GATB: variants seen among roughly 807,000 people sequenced by gnomAD.
GATB encodes the protein glutamyl-tRNA amidotransferase subunit B, also known as glutamyl-tRNA(Gln) amidotransferase subunit B, mitochondrial.
A neutral mutation model predicts 62.3 loss-of-function variants in GATB; 39 were observed. That is an observed-to-expected ratio of 0.63 (90% CI 0.48 to 0.82). GATB has a LOEUF of 0.82. GATB is among the 40% of genes least tolerant of loss of function. GATB has a pLI of 0.00. For synonymous variants in GATB, 276 were observed against 258.9 expected (o/e 1.07, Z -0.63); for missense variants, 670 against 684.0 (o/e 0.98, Z 0.23).
Position 151,716,046 on chromosome 4 carries a change from G to T in GATB, c.726C>A (p.Ile242=). The stretch of plus-strand genomic sequence containing the variant: ...CCTGGCTGGTCCCCAGGGCTTGAAG[G>T]ATCAGCTGCAGCTCCCTGACAGCTG... ...AATAVRELQL[I]LQALGTSQAN... Residue 242 remains isoleucine (I), a synonymous_variant, in exon 5 of 13, where the codon ATC becomes ATA. Transcript: ENST00000263985. 1 of 1,613,974 alleles carries T rather than the reference G, an allele frequency of 6.2e-7. No homozygotes were observed. The highest frequency in any genetic ancestry group is 8.5e-7 in the Non-Finnish European group (1 of 1,179,974).
chr4:151,695,834 T>C (rs528350471), intron 9 of GATB, among the ~76,000 whole-genome samples: 2 of 152,156 alleles, frequency 1.3e-5, no homozygotes, highest in South Asian at 4.1e-4. Flanking sequence ...CACAGCTCGC[T>C]ACAGCCTTGA....
rs1478389341 is a variant in GATB at position 151,705,282 on chromosome 4, C to G, written c.878-13G>C. 1 of 1,548,928 alleles carries G rather than the reference C, an allele frequency of 6.5e-7. No homozygotes were observed. The highest frequency in any genetic ancestry group is 1.7e-5 in the Admixed American group (1 of 59,816). ...TGAATTTCATAGTCTAGGAAAAACA[C>G]ACTAATTTAGCATCATATTTTGATT... On this transcript the variant is annotated splice_polypyrimidine_tract_variant and intron_variant, in intron 6 of 12. Coordinates refer to ENST00000263985, the MANE Select transcript of GATB (RefSeq NM_004564.3).
chr4:151,699,030 A>C (rs886298903), intron 9 of GATB, among the ~76,000 whole-genome samples: 1 of 152,096 alleles, frequency 6.6e-6, no homozygotes, highest in Non-Finnish European at 1.5e-5. Context: ...TTGGAAGGCA[A>C]AAAAAATCTT....
intron 10 of GATB, among the ~76,000 whole-genome samples, chr4:151,680,865 G>A (rs747315997): frequency 4.6e-5 from 7 of 152,128 alleles, no homozygotes; most frequent in Non-Finnish European, 8.8e-5. Flanking sequence ...TGCTCAAAAA[G>A]TTTTAGATTT....
chr4:151,679,445 C>T (rs181982612), intron 11 of GATB, among the ~76,000 whole-genome samples: 37 of 152,190 alleles, frequency 2.4e-4, no homozygotes, highest in Middle Eastern at 3.4e-3. Flanking sequence ...GGCTGGGAGG[C>T]GGTGTGGGGG....
chr4:151,716,042 G>C lies in GATB; in HGVS notation c.730C>G (p.Gln244Glu). 6.2e-7 allele frequency: 1 copy of C among 1,614,014 alleles called. No homozygotes were observed. The highest frequency in any genetic ancestry group is 1.1e-5 in the South Asian group (1 of 91,034). ...TTCGCCTGGCTGGTCCCCAGGGCTT[G>C]AAGGATCAGCTGCAGCTCCCTGACA... ...TAVRELQLIL[Q>E]ALGTSQANMA... Residue 244 changes from glutamine to glutamate, a missense_variant, in exon 5 of 13, where the codon CAA becomes GAA. Transcript: ENST00000263985.
chr4:151,697,985 A>ATATATATATATATATGTATATG (rs1560847802), intron 9 of GATB, among the ~76,000 whole-genome samples: 1 of 138,276 alleles, frequency 7.2e-6, no homozygotes, highest in Admixed American at 7.1e-5. Context: ...ATATATATAT[A>ATATATATATATATATGTATATG]TATATATATG....
intron 9 of GATB, among the ~76,000 whole-genome samples, chr4:151,695,308 C>T (rs1240169919): frequency 6.6e-6 from 1 of 152,090 alleles, no homozygotes; most frequent in African/African-American, 2.4e-5. Flanking sequence ...GAGTCATCGC[C>T]CCCTCTTTCA....
In GATB at chr4:151,679,801, GTGTGGACATACC is replaced by G; in HGVS notation, c.1410_1410+11del. 6.2e-7 allele frequency: 1 copy of G among 1,610,052 alleles called. No homozygotes were observed. The highest frequency in any genetic ancestry group is 8.5e-7 in the Non-Finnish European group (1 of 1,176,264). On this transcript the variant is annotated splice_donor_variant and splice_donor_5th_base_variant and coding_sequence_variant and intron_variant, in exon 11 of 13. Transcript: ENST00000263985. LOFTEE classifies it high-confidence loss of function. The stretch of plus-strand genomic sequence containing the variant: ...GTAGCACAGTCAGAAGCTGTCGGGA[GTGTGGACATACC>G]TGTTTAGCTGCTGATGAAGAAATTG...
intron 12 of GATB, 76 bp downstream of exon 12, chr4:151,672,686 C>T (rs1233689578): frequency 1.1e-5 from 17 of 1,502,232 alleles, no homozygotes; most frequent in Non-Finnish European, 1.4e-5. Flanking sequence ...TCTGGGCTGC[C>T]ACAGGGAGCG....
intron 11 of GATB, among the ~76,000 whole-genome samples, chr4:151,679,008 G>T (rs1179565460): frequency 6.6e-6 from 1 of 152,168 alleles, no homozygotes; most frequent in East Asian, 1.9e-4. Flanking sequence ...TGATTCTCCT[G>T]TATCAGCCTC....
chr4:151,692,051 A>G (rs1428466632), intron 9 of GATB, among the ~76,000 whole-genome samples: 2 of 152,226 alleles, frequency 1.3e-5, no homozygotes, highest in African/African-American at 2.4e-5. Flanking sequence ...GCTGCTGCTG[A>G]GGACAGTGAT....
chr4:151,693,916 A>G (rs867916841), intron 9 of GATB, among the ~76,000 whole-genome samples: 3 of 152,238 alleles, frequency 2.0e-5, no homozygotes, highest in Non-Finnish European at 4.4e-5. Flanking sequence ...TTTGGGAATA[A>G]CAACTTCCCC....
intron 12 of GATB, among the ~76,000 whole-genome samples, chr4:151,672,100 G>A (rs540999585): frequency 2.0e-5 from 3 of 152,308 alleles, no homozygotes; most frequent in Non-Finnish European, 4.4e-5. Flanking sequence ...GCTGATGGGT[G>A]GGTGGGTATT....
chr4:151,741,377 A>G (rs889583304), intron 2 of GATB, among the ~76,000 whole-genome samples: 1 of 152,246 alleles, frequency 6.6e-6, no homozygotes, highest in African/African-American at 2.4e-5. Context: ...CATTTTGAAC[A>G]GTTAATAATT....
intron 2 of GATB, among the ~76,000 whole-genome samples, chr4:151,748,205 A>C: frequency 6.6e-6 from 1 of 152,216 alleles, no homozygotes; most frequent in East Asian, 1.9e-4. Flanking sequence ...CGCATTGCCA[A>C]GTCAATCCTA....
At position 151,697,967 on chromosome 4, in the gene GATB, A is replaced by ATATATATATATATATATATATGTG. The variant is rs1578907524; in HGVS notation, c.1197+3361_1197+3362insCACATATATATATATATATATATA. Among the ~76,000 whole-genome samples, 45 of 101,806 alleles carry ATATATATATATATATATATATGTG rather than the reference A, an allele frequency of 4.4e-4. 2 individuals are homozygous for ATATATATATATATATATATATGTG. The highest frequency in any genetic ancestry group is 3.0e-3 in the East Asian group (9 of 2,984). 66.8% of individuals were successfully genotyped at this position (101,806 alleles called of 152,430 possible). On this transcript the variant is annotated intron_variant, in intron 9 of 12. Transcript: ENST00000263985. ...TGTGTGTGTGTGTATATATATATAT[A>ATATATATATATATATATATATGTG]TATATATATATATATATATATATAT...
chr4:151,730,573 C>A lies in GATB; in HGVS notation c.328-11035G>T, dbSNP rs1204803821. Among the ~76,000 whole-genome samples, 1 of 152,204 alleles carries A rather than the reference C, an allele frequency of 6.6e-6. No individual in the cohort carries two copies. Among genetic ancestry groups the A allele is most frequent in the Admixed American group, 6.5e-5 (1 of 15,282 alleles). On this transcript the variant is annotated intron_variant, in intron 2 of 12. Coordinates refer to ENST00000263985, the MANE Select transcript of GATB (RefSeq NM_004564.3). This position sits in a 1 kb window ranked among gnomAD's most constrained non-coding sequence, Gnocchi z 4.1. Reference sequence around the variant, plus strand: ...GGCGCTGGTATTCACGGCTGAGAGACCAATGGATGGTTCACATCACAGGAC... The same window carrying A: ...GGCGCTGGTATTCACGGCTGAGAGAACAATGGATGGTTCACATCACAGGAC...
intron 2 of GATB, among the ~76,000 whole-genome samples, chr4:151,748,800 T>C (rs1485080736): frequency 6.6e-6 from 1 of 151,842 alleles, no homozygotes; most frequent in Non-Finnish European, 1.5e-5. Context: ...TACAAAGAAC[T>C]CAAACAAATT....
Sources: allele counts gnomAD v4.1 joint callset (sites outside exome capture counted in the v4.1 genomes callset), GRCh38; gene constraint gnomAD v4.1.1; non-coding constraint Gnocchi (gnomAD v3.1); transcripts MANE v1.5; gene names NCBI Gene and HGNC (gene_info 2026-07-23, HGNC 2026-07-21).